Variants in DGCR8 observed in about 807,000 individuals in gnomAD.
The protein encoded by DGCR8 is microprocessor complex subunit DGCR8.
DGCR8 carries 14 observed loss-of-function variants against 78.5 expected under a neutral mutation model. The observed-to-expected ratio is 0.18, with a 90% CI of 0.12 to 0.28. The LOEUF (loss-of-function observed/expected upper bound fraction) is 0.28. DGCR8 is among the 10% of genes least tolerant of loss of function. The pLI, the probability that DGCR8 is intolerant of heterozygous loss-of-function variation, is 1.00. For missense variants in DGCR8, 702 were observed against 1,022.5 expected, an observed-to-expected ratio of 0.69 and a Z score of 4.28; for synonymous variants, 399 against 402.4, an observed-to-expected ratio of 0.99 and a Z score of 0.10.
At position 20,091,552 on chromosome 22, in the gene DGCR8, A is replaced by C. The variant is rs1007164224; in HGVS notation, c.1424A>C (p.Gln475Pro). The change falls in exon 6 of 14, where the codon CAG (glutamine) becomes CCG (proline). Residue 475 changes from glutamine (Q) to proline (P), a missense_variant. Transcript: ENST00000351989. ...RQFNREMKRK[Q>P]AESERPILPA... ...TTCAATCGGGAAATGAAGCGGAAGC[A>C]GGCGGAGTCCGAGAGGCCCATCTTG... The C allele has an allele frequency of 6.2e-7, 1 of 1,614,146 alleles. No homozygotes were observed. The highest frequency in any genetic ancestry group is 8.5e-7 in the Non-Finnish European group (1 of 1,180,052).
intron 12 of DGCR8, chr22:20,107,719 G>T (rs1007539819): frequency 1.7e-5 from 6 of 363,246 alleles, no homozygotes; most frequent in Middle Eastern, 8.3e-4. Context: ...CGGCTCGGAG[G>T]TGTGCAAAGG....
rs1471006130 is a variant in DGCR8, at chr22:20,106,288, G to C, written c.1889+11G>C. 5 of 1,607,588 alleles carry C rather than the reference G, an allele frequency of 3.1e-6. No individual in the cohort carries two copies. In the East Asian group the frequency reaches 1.1e-4, roughly 36 times the overall value. The stretch of plus-strand genomic sequence containing the variant: ...CGAGTGCCTTAAAAGGTAGGGTAGG[G>C]GGGTGCCTCCCCCCATGAGTCAGGT... On this transcript the variant is annotated intron_variant, in intron 10 of 13. Transcript: ENST00000351989.
At chr22:20,102,108 T>C (rs1227855958) in intron 9 of DGCR8, 1 of 971,376 alleles carries the variant, frequency 1.0e-6, no homozygotes, top group Non-Finnish European at 1.2e-6. Context: ...TATTTTAAAA[T>C]TTACATAGAG....
Position 20,105,021 on chromosome 22 carries a change from C to T in DGCR8, c.1789-1156C>T, listed in dbSNP as rs1008940502. ...CCTGCAGACCCCTCCAGAACAGGGC[C>T]AGTGGGGGAAGCACTGTGAGGGTGT... On this transcript the variant is annotated intron_variant, in intron 9 of 13. Coordinates refer to ENST00000351989, the MANE Select transcript of DGCR8 (RefSeq NM_022720.7). Among the ~76,000 whole-genome samples the T allele has an allele frequency of 5.3e-5, 8 of 152,260 alleles. No individual in the cohort carries two copies. In the East Asian group the frequency reaches 1.2e-3, roughly 22 times the overall value.
At chr22:20,106,134 GT>G (rs2049767113) in intron 9 of DGCR8, 42 bp from the exon 10 acceptor site, 1 of 1,554,620 alleles carries the variant, frequency 6.4e-7, no homozygotes, top group Non-Finnish European at 8.9e-7. Context: ...GAAGAGGCCG[GT>G]GGGCCTGGTG....
At chr22:20,093,325 A>G (rs1302435821) in intron 8 of DGCR8, among the ~76,000 whole-genome samples, 1 of 152,080 alleles carries the variant, frequency 6.6e-6, no homozygotes, top group Non-Finnish European at 1.5e-5. Context: ...GAATGGCGTG[A>G]ACAAGCGAGG....
At position 20,091,595 on chromosome 22, in the gene DGCR8, C is replaced by T; in HGVS notation, c.1467C>T (p.Leu489=). The T allele has an allele frequency of 6.2e-7, 1 of 1,614,186 alleles. No individual in the cohort carries two copies. Among genetic ancestry groups the T allele is most frequent in the Non-Finnish European group, 8.5e-7 (1 of 1,180,044 alleles). The change falls in exon 6 of 14, where the codon CTC becomes CTT. Residue 489 remains leucine, a synonymous_variant. Transcript: ENST00000351989. Reference sequence around the variant, plus strand: ...CCATCTTGCCAGCCAATCAGAAGCTCATTACTTTATCAGTGCAAGATGCAC... The same window carrying T: ...CCATCTTGCCAGCCAATCAGAAGCTTATTACTTTATCAGTGCAAGATGCAC... ...ERPILPANQK[L]ITLSVQDAPT...
chr22:20,107,474 AG>A (rs1018012999), intron 12 of DGCR8, 76 bp downstream of exon 12: 4 of 1,574,944 alleles, frequency 2.5e-6, no homozygotes, highest in Non-Finnish European at 2.6e-6. Context: ...CTGTGCTCAG[AG>A]GGGGCAGAGC....
intron 12 of DGCR8, 99 bp from the exon 13 acceptor site, chr22:20,108,791 G>GCGCCTACCTTGACCGACCCTGGGCA: frequency 1.4e-6 from 1 of 705,216 alleles, no homozygotes; most frequent in Non-Finnish European, 2.6e-6. Context: ...GACCCTGGGC[G>GCGCCTACCTTGACCGACCCTGGGCA]CGCCTGCCTT....
At position 20,107,423 on chromosome 22, in the gene DGCR8, G is replaced by A; in HGVS notation, c.2124+25G>A. The A allele has an allele frequency of 1.2e-6, 2 of 1,613,428 alleles. 1 individual carries two copies. Among genetic ancestry groups the A allele is most frequent in the Non-Finnish European group, 1.7e-6 (2 of 1,179,762 alleles). The stretch of plus-strand genomic sequence containing the variant: ...GGTAACTGGCCATCAGCAGGTCCCA[G>A]GGCAGCCTGTGCTGCCACCCTGGAG... On this transcript the variant is annotated intron_variant, in intron 12 of 13. Coordinates refer to ENST00000351989, the MANE Select transcript of DGCR8 (RefSeq NM_022720.7).
At chr22:20,088,046 G>A (rs974477743) in intron 3 of DGCR8, among the ~76,000 whole-genome samples, 7 of 152,114 alleles carry the variant, frequency 4.6e-5, no homozygotes, top group African/African-American at 1.7e-4. Flanking sequence ...CAGGCTCACA[G>A]GTGAGACCCC....
chr22:20,094,968 CCTGT>C (rs1163131266), intron 9 of DGCR8, among the ~76,000 whole-genome samples, 173 bp downstream of exon 9: 1 of 152,138 alleles, frequency 6.6e-6, no homozygotes, highest in Non-Finnish European at 1.5e-5. Context: ...AGGAAACTTG[CCTGT>C]CTTTGTATAG....
At chr22:20,100,394 C>T (rs2049683408) in intron 9 of DGCR8, 2 of 985,248 alleles carry the variant, frequency 2.0e-6, no homozygotes, top group Middle Eastern at 5.2e-4. Flanking sequence ...AGTGACCCAA[C>T]CGTGGGAAAT....
In DGCR8 at chr22:20,087,055, C is replaced by T; in HGVS notation, c.721-107C>T. The T allele has an allele frequency of 6.9e-7, 1 of 1,442,572 alleles. No homozygotes were observed. Among genetic ancestry groups the T allele is most frequent in the Non-Finnish European group, 9.4e-7 (1 of 1,068,210 alleles). The allele number at this position is 1,442,572 out of a possible 1,614,324, so 89.4% of individuals were successfully genotyped here. On this transcript the variant is annotated intron_variant, in intron 2 of 13. Coordinates refer to ENST00000351989, the MANE Select transcript of DGCR8 (RefSeq NM_022720.7). This position sits in a 1 kb window ranked among gnomAD's most constrained non-coding sequence, Gnocchi z 4.1. ...CACCCTAAGGGCACATCTAGGCCCCCTGAGAGCACCTCCTTTCTGTGTCTG... is the reference window on the plus strand; with the variant it reads ...CACCCTAAGGGCACATCTAGGCCCCTTGAGAGCACCTCCTTTCTGTGTCTG...
intron 1 of DGCR8, among the ~76,000 whole-genome samples, chr22:20,082,047 CTTTCT>C (rs965109274): frequency 3.4e-5 from 5 of 145,518 alleles, no homozygotes; most frequent in African/African-American, 1.3e-4. Flanking sequence ...ATTCTTCTTT[CTTTCT>C]TTTTTTTTTT....
At chr22:20,096,845 C>T (rs78201040) in intron 9 of DGCR8, among the ~76,000 whole-genome samples, 1,876 of 152,156 alleles carry the variant, frequency 0.012, 20 homozygotes, top group Non-Finnish European at 0.02. Context: ...AAGGAAATTT[C>T]CTTTTGTTCC....
At chr22:20,107,582 C>A (rs1235719375) in intron 12 of DGCR8, 184 bp downstream of exon 12, 8 of 654,434 alleles carry the variant, frequency 1.2e-5, no homozygotes, top group Non-Finnish European at 1.6e-5. Context: ...ATCTCCTATC[C>A]CAGCCTGCTG....
intron 13 of DGCR8, chr22:20,109,222 C>T (rs1027687130): frequency 2.3e-5 from 10 of 427,732 alleles, no homozygotes; most frequent in Non-Finnish European, 4.0e-5. Context: ...GCTGGCAGGC[C>T]AGCCTGTTGG....
At chr22:20,094,888 C>T (rs865989538) in intron 9 of DGCR8, 93 bp downstream of exon 9, 4 of 1,081,786 alleles carry the variant, frequency 3.7e-6, no homozygotes, top group Non-Finnish European at 4.3e-6. Context: ...GTGGGCTGTG[C>T]TCATGCCTTC....
Sources: gnomAD v4.1 joint callset for allele counts (sites outside exome capture counted in the v4.1 genomes callset) on GRCh38, gnomAD v4.1.1 for gene constraint, Gnocchi (gnomAD v3.1) non-coding constraint, MANE v1.5 for transcripts, NCBI Gene and HGNC (gene_info 2026-07-23, HGNC 2026-07-21) for gene names.